Variants in LINGO1 observed in about 807,000 individuals in gnomAD.
LINGO1 encodes the protein leucine-rich repeat and immunoglobulin-like domain-containing nogo receptor-interacting protein 1.
A neutral mutation model predicts 37.3 loss-of-function variants in LINGO1; 11 were observed. The observed-to-expected ratio is 0.29, with a 90% CI of 0.19 to 0.49. The LOEUF (loss-of-function observed/expected upper bound fraction) is 0.49, where lower values mean the gene tolerates loss of function less well. Ranked by LOEUF, LINGO1 falls within the 20% of genes least tolerant of loss-of-function variation. The pLI, the probability that LINGO1 is intolerant of heterozygous loss-of-function variation, is 0.99. For synonymous variants in LINGO1, 387 were observed against 403.0 expected, an observed-to-expected ratio of 0.96 and a Z score of 0.48; for missense variants, 585 against 878.2, an observed-to-expected ratio of 0.67 and a Z score of 4.22.
At chr15:77,658,218 G>C (rs1352165068) in intron 3 of LINGO1, among the ~76,000 whole-genome samples, 1 of 152,192 alleles carries the variant, frequency 6.6e-6, no homozygotes, top group Non-Finnish European at 1.5e-5. Context: ...ACACCGAGCT[G>C]GGCAGTAGCT....
chr15:77,670,751 G>A (rs1047011183), intron 3 of LINGO1, among the ~76,000 whole-genome samples: 5 of 152,230 alleles, frequency 3.3e-5, no homozygotes, highest in African/African-American at 1.2e-4. Flanking sequence ...GGTGCAGCAG[G>A]ACCCAGGGCG....
At chr15:77,638,295 C>G (rs750443809), upstream of LINGO1, among the ~76,000 whole-genome samples, 1 of 152,198 alleles carries the variant, frequency 6.6e-6, no homozygotes, top group Non-Finnish European at 1.5e-5. Flanking sequence ...AAGTTCCCCC[C>G]AGGAAAACAC....
At chr15:77,650,407 T>C (rs1426954291) in intron 3 of LINGO1, among the ~76,000 whole-genome samples, 1 of 152,188 alleles carries the variant, frequency 6.6e-6, no homozygotes, top group African/African-American at 2.4e-5. Context: ...TCCCTGCTAT[T>C]ATTTTGTGAT....
chr15:77,673,787 A>C lies in LINGO1; in HGVS notation c.-13+3302T>G, dbSNP rs115774193. Among the ~76,000 whole-genome samples the C allele has an allele frequency of 5.2e-3, 786 of 152,102 alleles. 7 individuals are homozygous for C. Among genetic ancestry groups the C allele is most frequent in the African/African-American group, 0.018 (757 of 41,490 alleles). ...CTCCAGTCACATACATCCACCTGTC[A>C]ACTCCATGGTTCTGCCAGGCTGTCT... On this transcript the variant is annotated intron_variant, in intron 3 of 3. Transcript: ENST00000559893.
intron 1 of LINGO1, among the ~76,000 whole-genome samples, chr15:77,759,303 T>G (rs958474568): frequency 6.6e-6 from 1 of 152,022 alleles, no homozygotes; most frequent in Non-Finnish European, 1.5e-5. Context: ...TGAACTGGCA[T>G]GGAGGAGCGG....
intron 1 of LINGO1, among the ~76,000 whole-genome samples, chr15:77,786,157 G>A (rs2076768582): frequency 6.6e-6 from 1 of 152,128 alleles, no homozygotes; most frequent in African/African-American, 2.4e-5. Context: ...CACAAATCCA[G>A]GTTCCACATG....
intron 2 of LINGO1, among the ~76,000 whole-genome samples, chr15:77,703,675 C>A (rs1385023034): frequency 1.3e-5 from 2 of 152,176 alleles, no homozygotes; most frequent in East Asian, 1.9e-4. Context: ...TCCAATGGGG[C>A]TGACACATTC....
intron 1 of LINGO1, among the ~76,000 whole-genome samples, chr15:77,630,846 T>C (rs1167435579): frequency 6.6e-6 from 1 of 152,094 alleles, no homozygotes; most frequent in African/African-American, 2.4e-5. Flanking sequence ...GTGCCCTCTT[T>C]CAGCACGGTT....
chr15:77,693,926 T>A (rs9920633), intron 1 of LINGO1, among the ~76,000 whole-genome samples: 2 of 151,920 alleles, frequency 1.3e-5, no homozygotes, highest in Non-Finnish European at 2.9e-5. Context: ...CGGTCCCTAA[T>A]GAACAGACTT....
At chr15:77,690,010 G>C (rs60474848) in intron 2 of LINGO1, among the ~76,000 whole-genome samples, 1 of 152,232 alleles carries the variant, frequency 6.6e-6, no homozygotes, top group African/African-American at 2.4e-5. Flanking sequence ...CTGAAGCTCA[G>C]AGAGGCATAG....
At chr15:77,653,974 C>A (rs1239605167) in intron 3 of LINGO1, among the ~76,000 whole-genome samples, 1 of 152,238 alleles carries the variant, frequency 6.6e-6, no homozygotes, top group African/African-American at 2.4e-5. Flanking sequence ...TCCTCTTAGG[C>A]ACTTGGTGTG....
intron 1 of LINGO1, among the ~76,000 whole-genome samples, chr15:77,768,349 G>C (rs1427579201): frequency 1.3e-5 from 2 of 152,184 alleles, no homozygotes; most frequent in African/African-American, 4.8e-5. Flanking sequence ...GCCCCCGCCA[G>C]AGGCCTCCTG....
intron 2 of LINGO1, among the ~76,000 whole-genome samples, chr15:77,686,460 G>A (rs1461406244): frequency 1.3e-5 from 2 of 152,240 alleles, no homozygotes; most frequent in Non-Finnish European, 2.9e-5. Flanking sequence ...AACATGCCCA[G>A]CCTGGCTACT....
At chr15:77,683,197 G>A (rs2075446863) in intron 2 of LINGO1, among the ~76,000 whole-genome samples, 1 of 152,136 alleles carries the variant, frequency 6.6e-6, no homozygotes, top group Admixed American at 6.6e-5. Flanking sequence ...TTTCTAGATC[G>A]GCAAATATCC....
intron 1 of LINGO1, among the ~76,000 whole-genome samples, chr15:77,754,908 G>A (rs138042470): frequency 0.012 from 1,777 of 152,352 alleles, 32 homozygotes; most frequent in Admixed American, 0.05. Flanking sequence ...CTATAAGATG[G>A]GGCCTGGTGG....
At chr15:77,723,608 G>T (rs1351468823) in intron 2 of LINGO1, among the ~76,000 whole-genome samples, 3 of 152,156 alleles carry the variant, frequency 2.0e-5, no homozygotes, top group African/African-American at 7.2e-5. Flanking sequence ...GAAAACAAGT[G>T]AGTGCACAGC....
Position 77,619,355 on chromosome 15 carries a change from TGA to T in LINGO1, c.7-3457_7-3456del, listed in dbSNP as rs563327446. Among the ~76,000 whole-genome samples the T allele has an allele frequency of 7.9e-5, 12 of 152,156 alleles. No homozygotes were observed. In the South Asian group the frequency reaches 2.5e-3, roughly 32 times the overall value. Reference sequence around the variant, plus strand: ...ACCCTATATCAGGCCCACTGAGCAATGAGAGACCTGAGGAATTGAAGTATGTT... The same window carrying T: ...ACCCTATATCAGGCCCACTGAGCAATGAGACCTGAGGAATTGAAGTATGTT... On this transcript the variant is annotated intron_variant, in intron 1 of 1. Coordinates refer to ENST00000355300, the MANE Select transcript of LINGO1 (RefSeq NM_032808.7).
chr15:77,728,896 C>T (rs1420761364), intron 2 of LINGO1, among the ~76,000 whole-genome samples: 1 of 152,226 alleles, frequency 6.6e-6, no homozygotes, highest in Non-Finnish European at 1.5e-5. Flanking sequence ...TGGCACATAG[C>T]GGGCACTGAG....
chr15:77,814,258 T>C (rs894889558), intron 1 of LINGO1, among the ~76,000 whole-genome samples: 2 of 152,142 alleles, frequency 1.3e-5, no homozygotes, highest in African/African-American at 4.8e-5. Context: ...GCAAGAACAC[T>C]GGACCAGGAG....
Sources: allele counts gnomAD v4.1 joint callset (sites outside exome capture counted in the v4.1 genomes callset), GRCh38; gene constraint gnomAD v4.1.1; transcripts MANE v1.5; gene names NCBI Gene and HGNC (gene_info 2026-07-23, HGNC 2026-07-21).